MNAT1: variants seen among roughly 807,000 people sequenced by gnomAD.
MNAT1 encodes MNAT1 component of CDK activating kinase.
MNAT1 carries 43 observed loss-of-function variants against 42.0 expected under a neutral mutation model. That is an observed-to-expected ratio of 1.02 (90% CI 0.80 to 1.32). The LOEUF is 1.32. Ranked by LOEUF, MNAT1 falls within the 40% of genes most tolerant of loss-of-function variation. The probability of loss-of-function intolerance (pLI) is 0.00; values close to 1 mark genes in which losing one functional copy is unlikely to be tolerated. For synonymous variants in MNAT1, 118 were observed against 120.0 expected, an observed-to-expected ratio of 0.98 and a Z score of 0.11; for missense variants, 306 against 350.4, an observed-to-expected ratio of 0.87 and a Z score of 1.01.
At chr14:60,908,920 C>G (rs1025549386) in intron 7 of MNAT1, among the ~76,000 whole-genome samples, 1 of 152,184 alleles carries the variant, frequency 6.6e-6, no homozygotes, top group Non-Finnish European at 1.5e-5. Context: ...AATGGTTGAA[C>G]TGGTTTACAG....
intron 6 of MNAT1, among the ~76,000 whole-genome samples, chr14:60,839,823 G>A (rs1273136584): frequency 1.3e-5 from 2 of 152,254 alleles, no homozygotes; most frequent in African/African-American, 4.8e-5. Flanking sequence ...CCCTGCTGCA[G>A]CAGCTGGCAT....
chr14:60,794,462 C>T (rs117531001), intron 1 of MNAT1, among the ~76,000 whole-genome samples: 5,312 of 150,774 alleles, frequency 0.035, 117 homozygotes, highest in Middle Eastern at 0.078. Context: ...CCCAGGAGTT[C>T]GAGACCAGCC....
intron 4 of MNAT1, chr14:60,808,677 A>G (rs1466164347): frequency 9.0e-6 from 2 of 221,726 alleles, no homozygotes; most frequent in African/African-American, 4.6e-5. Flanking sequence ...AAGATAGGTG[A>G]TTGTTAACGC....
intron 7 of MNAT1, among the ~76,000 whole-genome samples, chr14:60,884,007 T>C (rs1280318324): frequency 1.3e-5 from 2 of 150,864 alleles, no homozygotes; most frequent in East Asian, 3.9e-4. Flanking sequence ...TCATATCATC[T>C]GTAAACAAAA....
At chr14:60,940,931 T>C (rs1253287430) in intron 7 of MNAT1, among the ~76,000 whole-genome samples, 1 of 152,230 alleles carries the variant, frequency 6.6e-6, no homozygotes, top group African/African-American at 2.4e-5. Flanking sequence ...TTTAGTCATA[T>C]ATAGTTTCTA....
At chr14:60,876,810 A>G (rs1411304456) in intron 6 of MNAT1, among the ~76,000 whole-genome samples, 1 of 152,024 alleles carries the variant, frequency 6.6e-6, no homozygotes, top group Non-Finnish European at 1.5e-5. Flanking sequence ...TACACACCAC[A>G]TATTGTTTAT....
intron 1 of MNAT1, among the ~76,000 whole-genome samples, chr14:60,748,510 C>T (rs899020656): frequency 2.0e-5 from 3 of 152,248 alleles, no homozygotes; most frequent in East Asian, 1.9e-4. Context: ...GGATTGCAGG[C>T]GTGAGCCACT....
At chr14:60,818,995 G>T in intron 6 of MNAT1, 148 bp downstream of exon 6, 1 of 796,116 alleles carries the variant, frequency 1.3e-6, no homozygotes. Context: ...ATATGGATGG[G>T]TGCAGTATGA....
chr14:60,746,911 T>C (rs1484037864), intron 1 of MNAT1, among the ~76,000 whole-genome samples: 1 of 25,420 alleles, frequency 3.9e-5, no homozygotes, highest in Admixed American at 4.7e-4. Context: ...TATATATATA[T>C]ATATATATAT....
intron 7 of MNAT1, among the ~76,000 whole-genome samples, chr14:60,952,200 G>C (rs1178543856): frequency 6.6e-6 from 1 of 152,172 alleles, no homozygotes; most frequent in Non-Finnish European, 1.5e-5. Flanking sequence ...TAAGTTCAGG[G>C]TACATGGAGA....
chr14:60,768,112 G>A (rs1566758092), intron 1 of MNAT1, among the ~76,000 whole-genome samples: 1 of 151,748 alleles, frequency 6.6e-6, no homozygotes, highest in Non-Finnish European at 1.5e-5. Context: ...CATTGGCCAG[G>A]ATGGTTTCGA....
intron 7 of MNAT1, among the ~76,000 whole-genome samples, chr14:60,895,497 A>G (rs1167680508): frequency 2.0e-5 from 3 of 152,156 alleles, no homozygotes; most frequent in Non-Finnish European, 4.4e-5. Flanking sequence ...TCCCTTTACA[A>G]TGGTCTTTCC....
In MNAT1 at chr14:60,738,716, G is replaced by A. The variant is rs1270547353; in HGVS notation, c.89+3765G>A. ...ACCTCTGGCTAATTTTGTAGTTTTA[G>A]TAGAGATGGGGTTTCTCCATGTTGG... On this transcript the variant is annotated intron_variant, in intron 1 of 7. Coordinates refer to ENST00000261245, the MANE Select transcript of MNAT1 (RefSeq NM_002431.4). Among the ~76,000 whole-genome samples, 4 of 152,014 alleles carry A rather than the reference G, an allele frequency of 2.6e-5. No homozygotes were observed. In the South Asian group the frequency reaches 6.2e-4, roughly 24 times the overall value.
chr14:60,961,068 T>G (rs556764360), intron 7 of MNAT1, among the ~76,000 whole-genome samples: 1 of 152,178 alleles, frequency 6.6e-6, no homozygotes, highest in Non-Finnish European at 1.5e-5. Context: ...GTTCAAGTGA[T>G]TCTCCTGCCT....
At chr14:60,769,691 C>T (rs961871246) in intron 1 of MNAT1, among the ~76,000 whole-genome samples, 3 of 152,078 alleles carry the variant, frequency 2.0e-5, no homozygotes, top group Non-Finnish European at 4.4e-5. Flanking sequence ...GGCCTTACTC[C>T]GTTGCCCGAC....
chr14:60,907,070 A>G (rs1198914416), intron 7 of MNAT1, among the ~76,000 whole-genome samples: 5 of 152,130 alleles, frequency 3.3e-5, no homozygotes, highest in Non-Finnish European at 7.4e-5. Context: ...CAAAATTTCT[A>G]TTTTTAACTC....
chr14:60,851,246 T>C (rs1352485880), intron 6 of MNAT1, among the ~76,000 whole-genome samples: 2 of 152,226 alleles, frequency 1.3e-5, no homozygotes, highest in Non-Finnish European at 2.9e-5. Flanking sequence ...ATTCTGCTGT[T>C]AAAGAAGCTG....
intron 3 of MNAT1, among the ~76,000 whole-genome samples, chr14:60,800,715 A>G (rs951964075): frequency 6.6e-6 from 1 of 152,212 alleles, no homozygotes; most frequent in Admixed American, 6.5e-5. Context: ...AGACAGGTGT[A>G]TGTGTGTGTT....
intron 7 of MNAT1, among the ~76,000 whole-genome samples, chr14:60,913,423 T>A (rs1466360197): frequency 6.6e-6 from 1 of 152,158 alleles, no homozygotes; most frequent in Non-Finnish European, 1.5e-5. Flanking sequence ...GAGTTTCCAG[T>A]TTTTCTGCTC....
Sources: allele counts gnomAD v4.1 joint callset (sites outside exome capture counted in the v4.1 genomes callset), GRCh38; gene constraint gnomAD v4.1.1; transcripts MANE v1.5; gene names NCBI Gene and HGNC (gene_info 2026-07-23, HGNC 2026-07-21).